COL24A1: variants seen among roughly 807,000 people sequenced by gnomAD.
COL24A1 encodes the protein collagen type XXIV alpha 1 chain, also known as collagen alpha-1(XXIV) chain.
In COL24A1, 224 loss-of-function variants were observed where a neutral mutation model predicts 253.9. The observed-to-expected ratio is 0.88, with a 90% CI of 0.79 to 0.99. COL24A1 has a LOEUF of 0.99. Ranked by LOEUF, COL24A1 falls within the 50% of genes least tolerant of loss-of-function variation. The pLI, the probability that COL24A1 is intolerant of heterozygous loss-of-function variation, is 0.00. For missense variants in COL24A1, 2,131 were observed against 2,068.5 expected (o/e 1.03, Z -0.59); for synonymous variants, 685 against 673.7 (o/e 1.02, Z -0.26).
intron 43 of COL24A1, among the ~76,000 whole-genome samples, chr1:85,829,924 A>C (rs561789078): frequency 9.2e-5 from 14 of 152,102 alleles, no homozygotes; most frequent in Non-Finnish European, 1.9e-4. Flanking sequence ...CTCTGAGTTC[A>C]TCAAAGTCAT....
chr1:85,972,325 A>C (rs1692248071), intron 20 of COL24A1, among the ~76,000 whole-genome samples: 1 of 152,104 alleles, frequency 6.6e-6, no homozygotes. Context: ...GACAAACTAC[A>C]TGGGAATCTT....
chr1:85,863,526 G>C (rs181266579), intron 37 of COL24A1, among the ~76,000 whole-genome samples: 87 of 152,238 alleles, frequency 5.7e-4, no homozygotes, highest in African/African-American at 2.0e-3. Context: ...AAAAGCAATA[G>C]CAACAAAAGC....
chr1:85,919,565 T>C (rs1190876931), intron 24 of COL24A1, among the ~76,000 whole-genome samples: 1 of 152,142 alleles, frequency 6.6e-6, no homozygotes, highest in Non-Finnish European at 1.5e-5. Context: ...GTGTCTGTAG[T>C]CCCAGCTACT....
chr1:85,937,292 T>C (rs1469017685), intron 24 of COL24A1, among the ~76,000 whole-genome samples: 3 of 147,652 alleles, frequency 2.0e-5, no homozygotes, highest in Non-Finnish European at 3.0e-5. Context: ...TCATTCACTT[T>C]GTGAGCAAGA....
chr1:85,880,102 C>A (rs1072509), intron 32 of COL24A1, among the ~76,000 whole-genome samples: 119,209 of 152,014 alleles, frequency 0.78, 47,085 homozygotes, highest in Non-Finnish European at 0.83. Context: ...TTGATAGATC[C>A]ATTTGTGAAG....
chr1:86,098,037 T>C (rs1480207893), intron 5 of COL24A1, among the ~76,000 whole-genome samples: 1 of 152,046 alleles, frequency 6.6e-6, no homozygotes, highest in African/African-American at 2.4e-5. Context: ...TAAAACAACA[T>C]TATGTGAGTA....
Position 85,963,705 on chromosome 1 carries a change from A to G in COL24A1, c.2517+1304T>C, listed in dbSNP as rs1051892332. On this transcript the variant is annotated intron_variant, in intron 23 of 59. Transcript: ENST00000370571. ...CAGTGACAGCTAGGGAGGAATGAAC[A>G]TTACAAAATTTCCTGTGTTTACTAG... is the stretch of plus-strand genomic sequence containing the variant. Among the ~76,000 whole-genome samples the G allele has an allele frequency of 2.0e-5, 3 of 152,164 alleles. No homozygotes were observed. In the East Asian group the frequency reaches 5.8e-4, roughly 29 times the overall value.
In COL24A1 at chr1:85,963,390, T is replaced by G. The variant is rs140250474; in HGVS notation, c.2517+1619A>C. The stretch of plus-strand genomic sequence containing the variant: ...TTCCCTCCTTACCCATAAGTTACCC[T>G]TCTTAAATTCCAAATTTGTGCTACT... On this transcript the variant is annotated intron_variant, in intron 23 of 59. Coordinates refer to ENST00000370571, the MANE Select transcript of COL24A1 (RefSeq NM_152890.7). Among the ~76,000 whole-genome samples the G allele has an allele frequency of 5.0e-4, 76 of 152,290 alleles. 1 individual carries two copies. The highest frequency in any genetic ancestry group is 1.5e-3 in the African/African-American group (62 of 41,590).
chr1:85,734,681 C>T, intron 59 of COL24A1, 68 bp downstream of exon 59: 1 of 1,399,734 alleles, frequency 7.1e-7, no homozygotes, highest in Non-Finnish European at 1.0e-6. Context: ...TCTAATTATC[C>T]TAATTTTATG....
intron 8 of COL24A1, among the ~76,000 whole-genome samples, chr1:86,061,505 T>C (rs775217274): frequency 6.6e-6 from 1 of 152,102 alleles, no homozygotes; most frequent in Non-Finnish European, 1.5e-5. Context: ...CTATTTCGAA[T>C]GGATTGTCAC....
Position 85,953,287 on chromosome 1 carries a change from T to A in COL24A1, c.2562+7962A>T, listed in dbSNP as rs543261651. ...TCTATATAGAAAGTTAGAGCTGCCA[T>A]TTCCTCGAAAGTTGTGATTAACACT... is the stretch of plus-strand genomic sequence containing the variant. On this transcript the variant is annotated intron_variant, in intron 24 of 59. Coordinates refer to ENST00000370571, the MANE Select transcript of COL24A1 (RefSeq NM_152890.7). Among the ~76,000 whole-genome samples, 20 of 152,298 alleles carry A rather than the reference T, an allele frequency of 1.3e-4. No individual in the cohort carries two copies. In the South Asian group the frequency reaches 4.1e-3, roughly 32 times the overall value.
At chr1:85,996,496 C>CGAAACCCCGTCTCTGCTAAAAATACAAA (rs1553253949) in intron 19 of COL24A1, among the ~76,000 whole-genome samples, 26 of 150,462 alleles carry the variant, frequency 1.7e-4, no homozygotes, top group Admixed American at 2.7e-4. Context: ...ACCAACATGG[C>CGAAACCCCGTCTCTGCTAAAAATACAAA]ATGGTGGTGG....
intron 2 of COL24A1, among the ~76,000 whole-genome samples, chr1:86,135,046 A>C (rs973885512): frequency 2.6e-5 from 4 of 151,922 alleles, no homozygotes; most frequent in South Asian, 2.1e-4. Context: ...CATTGGGTGT[A>C]TGTATATTTA....
In COL24A1 at chr1:85,970,280, A is replaced by G; in HGVS notation, c.2419-9T>C. On this transcript the variant is annotated splice_polypyrimidine_tract_variant and intron_variant, in intron 21 of 59. Transcript: ENST00000370571. Reference sequence around the variant, plus strand: ...ATTGGTCCTTCTTCTCCCTTAAAAAAAAAAAAAGTCAGAACATATTATGGC... The same window carrying G: ...ATTGGTCCTTCTTCTCCCTTAAAAAGAAAAAAAGTCAGAACATATTATGGC... The G allele has an allele frequency of 3.2e-6, 5 of 1,586,468 alleles. No homozygotes were observed. Among genetic ancestry groups the G allele is most frequent in the Non-Finnish European group, 4.3e-6 (5 of 1,170,078 alleles).
At chr1:85,741,606 C>T (rs953838863) in intron 57 of COL24A1, among the ~76,000 whole-genome samples, 5 of 152,176 alleles carry the variant, frequency 3.3e-5, no homozygotes, top group African/African-American at 1.2e-4. Context: ...CCCCTACCTC[C>T]TGAAGCCACC....
chr1:85,802,076 G>T (rs1671487772), intron 47 of COL24A1, among the ~76,000 whole-genome samples: 1 of 152,070 alleles, frequency 6.6e-6, no homozygotes, highest in Non-Finnish European at 1.5e-5. Flanking sequence ...AACACCTATA[G>T]CCTGGAGTAC....
rs532349389 is a variant in COL24A1, at chr1:85,806,672, G to T, written c.3951+10116C>A. On this transcript the variant is annotated intron_variant, in intron 47 of 59. Transcript: ENST00000370571. ...GGGCCATACAAAAACAGGCTGATTTGTTCACCAAATGTGGTTTGCTAATAC... is the reference window on the plus strand; with the variant it reads ...GGGCCATACAAAAACAGGCTGATTTTTTCACCAAATGTGGTTTGCTAATAC... Among the ~76,000 whole-genome samples, 15 of 125,432 alleles carry T rather than the reference G, an allele frequency of 1.2e-4. No homozygotes were observed. The East Asian group carries it at 3.6e-3, about 30-fold the overall frequency. 82.3% of individuals were successfully genotyped at this position (125,432 alleles called of 152,430 possible). A position where few individuals can be genotyped will look rare whatever the true frequency, so the allele number is the denominator to read the frequency against.
chr1:85,808,752 C>T (rs750894781), intron 47 of COL24A1, among the ~76,000 whole-genome samples: 4 of 152,164 alleles, frequency 2.6e-5, no homozygotes, highest in African/African-American at 4.8e-5. Flanking sequence ...TCTCCCTGCC[C>T]GTTGCACAGA....
At chr1:86,092,957 A>G (rs1703612923) in intron 5 of COL24A1, among the ~76,000 whole-genome samples, 2 of 152,042 alleles carry the variant, frequency 1.3e-5, no homozygotes, top group South Asian at 2.1e-4. Flanking sequence ...TATTTTTATG[A>G]TGCATAGTAG....
Sources: allele counts gnomAD v4.1 joint callset (sites outside exome capture counted in the v4.1 genomes callset), GRCh38; gene constraint gnomAD v4.1.1; transcripts MANE v1.5; gene names NCBI Gene and HGNC (gene_info 2026-07-23, HGNC 2026-07-21).